NEBL: variants seen among roughly 807,000 people sequenced by gnomAD.
The protein encoded by NEBL is LIM and SH3 protein 2.
A neutral mutation model predicts 140.2 loss-of-function variants in NEBL; 122 were observed. The ratio of observed to expected loss-of-function variants is 0.87; its 90% CI spans 0.75 to 1.01. The LOEUF is 1.01. Among genes scored for constraint, NEBL ranks in the 50% least tolerant of loss-of-function variants. NEBL has a pLI of 0.00. For missense variants in NEBL, 1,365 were observed against 1,231.3 expected (o/e 1.11, Z -1.62); for synonymous variants, 436 against 398.9 (o/e 1.09, Z -1.11).
rs118134181 is a variant in NEBL, at chr10:20,795,443, T to C, written c.2762-8135A>G. ...TGTAGAGGCAGAAATTCACCCACTT[T>C]TGGAAAAGCAAACTCAAATAAAGTA... On this transcript the variant is annotated intron_variant, in intron 26 of 27. Coordinates refer to ENST00000377122, the MANE Select transcript of NEBL (RefSeq NM_006393.3). Among the ~76,000 whole-genome samples, 3 of 152,320 alleles carry C rather than the reference T, an allele frequency of 2.0e-5. No individual in the cohort carries two copies. The East Asian group carries it at 5.8e-4, about 29-fold the overall frequency.
chr10:21,082,513 T>C (rs149349283), intron 2 of NEBL, among the ~76,000 whole-genome samples: 93 of 143,602 alleles, frequency 6.5e-4, no homozygotes, highest in Non-Finnish European at 1.1e-3. Context: ...TTTTGTAAGT[T>C]TGAAGTGTTC....
At chr10:21,287,069 T>G (rs1056510577) in intron 1 of NEBL, among the ~76,000 whole-genome samples, 1 of 152,090 alleles carries the variant, frequency 6.6e-6, no homozygotes, top group Non-Finnish European at 1.5e-5. Flanking sequence ...CCAAGGCTGG[T>G]TACGGGTTCC....
intron 3 of NEBL, among the ~76,000 whole-genome samples, chr10:20,972,394 G>GA (rs1315796747): frequency 4.0e-5 from 6 of 151,798 alleles, no homozygotes; most frequent in African/African-American, 1.5e-4. Flanking sequence ...CTACAAAACT[G>GA]AAAAAAGAAG....
At chr10:20,848,212 A>C (rs1842133729) in intron 11 of NEBL, among the ~76,000 whole-genome samples, 1 of 152,222 alleles carries the variant, frequency 6.6e-6, no homozygotes, top group East Asian at 1.9e-4. Flanking sequence ...ATAGTAAAGC[A>C]ATGAAAAGAA....
At chr10:21,154,907 A>T (rs1840279821) in intron 2 of NEBL, among the ~76,000 whole-genome samples, 1 of 152,226 alleles carries the variant, frequency 6.6e-6, no homozygotes, top group Non-Finnish European at 1.5e-5. Context: ...AATGCATAAT[A>T]ATCACATCAT....
intron 4 of NEBL, among the ~76,000 whole-genome samples, chr10:20,916,102 T>C (rs892522766): frequency 2.6e-5 from 4 of 152,132 alleles, no homozygotes; most frequent in African/African-American, 7.2e-5. Context: ...TAAAACACAA[T>C]GAATCACGAG....
chr10:21,147,277 C>T (rs1839936453), intron 2 of NEBL, among the ~76,000 whole-genome samples: 1 of 152,142 alleles, frequency 6.6e-6, no homozygotes, highest in Non-Finnish European at 1.5e-5. Flanking sequence ...GCCATTTTCA[C>T]CTCAAAAACT....
At chr10:21,259,679 T>C (rs1842712090) in intron 1 of NEBL, among the ~76,000 whole-genome samples, 1 of 152,120 alleles carries the variant, frequency 6.6e-6, no homozygotes, top group Non-Finnish European at 1.5e-5. Context: ...GATTGGCCCC[T>C]ACCCTCAGCT....
At chr10:20,901,680 A>C (rs998148899), upstream of NEBL, among the ~76,000 whole-genome samples, 7 of 152,222 alleles carry the variant, frequency 4.6e-5, no homozygotes, top group African/African-American at 1.4e-4. Flanking sequence ...TAGGTGAAAG[A>C]AGAATTTGTT....
At chr10:20,806,465 C>T (rs1320404268) in intron 26 of NEBL, among the ~76,000 whole-genome samples, 3 of 152,344 alleles carry the variant, frequency 2.0e-5, no homozygotes, top group African/African-American at 4.8e-5. Flanking sequence ...CAAAGCCCCA[C>T]AGCCTCGTTA....
intron 3 of NEBL, among the ~76,000 whole-genome samples, chr10:21,016,441 A>AG (rs1315833574): frequency 6.6e-6 from 1 of 152,186 alleles, no homozygotes; most frequent in South Asian, 2.1e-4. Context: ...TCAGGAAGAG[A>AG]GGGGGGGAAA....
intron 3 of NEBL, among the ~76,000 whole-genome samples, chr10:20,994,882 A>G (rs78289343): frequency 6.7e-6 from 1 of 148,308 alleles, no homozygotes; most frequent in African/African-American, 2.6e-5. Context: ...AGGAGGAGGT[A>G]GAGGGGGGGG....
At chr10:20,889,068 G>A (rs535991146) in intron 3 of NEBL, among the ~76,000 whole-genome samples, 15 of 152,312 alleles carry the variant, frequency 9.8e-5, no homozygotes, top group Middle Eastern at 3.4e-3. Context: ...CGCATTAGCA[G>A]AAATAATCCC....
upstream of NEBL, chr10:21,174,857 C>G (rs1055767000): frequency 2.6e-5 from 4 of 152,250 alleles, no homozygotes; most frequent in Non-Finnish European, 5.9e-5. Context: ...TGCAGAGCGA[C>G]TGGTCATTTT....
chr10:20,965,955 G>A (rs1446405679), intron 3 of NEBL, among the ~76,000 whole-genome samples: 4 of 152,284 alleles, frequency 2.6e-5, no homozygotes, highest in African/African-American at 9.6e-5. Context: ...TTACCAACCT[G>A]AGCTCAGAAA....
In NEBL at chr10:21,014,369, T is replaced by C. The variant is rs183534448; in HGVS notation, c.249+5748A>G. On this transcript the variant is annotated intron_variant, in intron 3 of 6. Coordinates refer to the NEBL transcript ENST00000417816. ...GAGTAAGGGCCTCATCTGGTTTCAC[T>C]CACTGCAGGATATCCAAAATCTGAC... Among the ~76,000 whole-genome samples, 105 of 152,284 alleles carry C rather than the reference T, an allele frequency of 6.9e-4. No individual in the cohort carries two copies. In the Middle Eastern group the frequency reaches 0.01, roughly 15 times the overall value.
intron 4 of NEBL, among the ~76,000 whole-genome samples, chr10:20,949,820 T>C (rs1013494274): frequency 1.3e-5 from 2 of 152,188 alleles, no homozygotes; most frequent in Admixed American, 6.5e-5. Flanking sequence ...CTTAATTTTT[T>C]GTGGTATTTT....
chr10:21,218,267 A>T (rs137923163), intron 3 of NEBL: 6 of 152,336 alleles, frequency 3.9e-5, no homozygotes, highest in African/African-American at 9.6e-5. Context: ...CCCCAGCCCC[A>T]CCGTTACCAT....
rs576387216 is a variant in NEBL, at chr10:20,903,022, T to C, written c.357+58650A>G. Among the ~76,000 whole-genome samples, 3 of 152,322 alleles carry C rather than the reference T, an allele frequency of 2.0e-5. No homozygotes were observed. The South Asian group carries it at 6.2e-4, about 32-fold the overall frequency. On this transcript the variant is annotated intron_variant, in intron 4 of 6. Transcript: ENST00000417816. The stretch of plus-strand genomic sequence containing the variant: ...ATAAACTGTTGAAAACTGATAAGAA[T>C]GAGAATGATTCTTATCCATAGAAAT...
Sources: gnomAD v4.1 joint callset for allele counts (sites outside exome capture counted in the v4.1 genomes callset) on GRCh38, gnomAD v4.1.1 for gene constraint, MANE v1.5 for transcripts, NCBI Gene and HGNC (gene_info 2026-07-23, HGNC 2026-07-21) for gene names.